IPO8: variants seen among roughly 807,000 people sequenced by gnomAD.
IPO8 encodes importin 8, also known as importin-8.
IPO8 carries 65 observed loss-of-function variants against 141.2 expected under a neutral mutation model. That is an observed-to-expected ratio of 0.46 (90% CI 0.38 to 0.57). IPO8 has a LOEUF of 0.57. IPO8 is among the 20% of genes least tolerant of loss of function. The pLI is 0.00. For synonymous variants in IPO8, 411 were observed against 420.3 expected (o/e 0.98, Z 0.27); for missense variants, 980 against 1,246.8 (o/e 0.79, Z 3.22).
At chr12:30,631,005 A>C (rs748660791) in intron 24 of IPO8, 48 bp from the exon 25 acceptor site, 3 of 1,450,104 alleles carry the variant, frequency 2.1e-6, no homozygotes, top group East Asian at 2.3e-5. Flanking sequence ...AAGAATGCTT[A>C]AGGTGACAAA....
At chr12:30,679,316 G>A (rs1374932286) in intron 5 of IPO8, among the ~76,000 whole-genome samples, 1 of 152,134 alleles carries the variant, frequency 6.6e-6, no homozygotes, top group East Asian at 1.9e-4. Context: ...GGTTTTCCAG[G>A]TTTTTAGCAA....
chr12:30,657,408 G>T (rs1264090893), intron 16 of IPO8, among the ~76,000 whole-genome samples: 4 of 152,106 alleles, frequency 2.6e-5, no homozygotes, highest in African/African-American at 4.8e-5. Flanking sequence ...CAATTATGGG[G>T]CTGGGAAGAA....
At chr12:30,676,792 G>A (rs1031468571) in intron 5 of IPO8, 6 of 859,300 alleles carry the variant, frequency 7.0e-6, no homozygotes, top group Non-Finnish European at 1.1e-5. Context: ...TACCTGCCAT[G>A]AGTTGTTTCT....
chr12:30,669,572 C>T (rs2053019232), intron 9 of IPO8, among the ~76,000 whole-genome samples: 2 of 152,146 alleles, frequency 1.3e-5, no homozygotes, highest in East Asian at 3.9e-4. Flanking sequence ...GCAGAAGGAT[C>T]GCTTGAGGAC....
chr12:30,678,468 C>T (rs1441598241), intron 5 of IPO8, among the ~76,000 whole-genome samples: 2 of 152,120 alleles, frequency 1.3e-5, no homozygotes, highest in Non-Finnish European at 2.9e-5. Context: ...GGTTTGCAGC[C>T]AGGGAGCAAC....
intron 17 of IPO8, among the ~76,000 whole-genome samples, chr12:30,653,690 A>G (rs1354715540): frequency 6.6e-6 from 1 of 151,992 alleles, no homozygotes; most frequent in Non-Finnish European, 1.5e-5. Context: ...TCCTCAGTCA[A>G]AAGTAAATTA....
chr12:30,649,254 T>G, intron 19 of IPO8, 22 bp from the exon 20 acceptor site: 1 of 1,573,932 alleles, frequency 6.4e-7, no homozygotes, highest in Non-Finnish European at 8.7e-7. Context: ...ACAATTTAGC[T>G]CAGCAGTAAG....
chr12:30,633,757 C>CT (rs1191846599), intron 23 of IPO8, among the ~76,000 whole-genome samples: 1 of 152,180 alleles, frequency 6.6e-6, no homozygotes, highest in Non-Finnish European at 1.5e-5. Context: ...ACACTTCATT[C>CT]TTTGCTATAA....
At chr12:30,690,628 C>A in intron 1 of IPO8, 51 bp from the exon 2 acceptor site, 1 of 983,552 alleles carries the variant, frequency 1.0e-6, no homozygotes, top group South Asian at 1.5e-5. Context: ...AAGTGAGTAG[C>A]TTATAAGTTA....
In IPO8 at chr12:30,695,361, G is replaced by A. The variant is rs1158333873; in HGVS notation, c.84+203C>T. 6.6e-6 allele frequency among the ~76,000 whole-genome samples: 1 copy of A among 152,232 alleles called. No individual in the cohort carries two copies. The highest frequency in any genetic ancestry group is 1.5e-5 in the Non-Finnish European group (1 of 68,044). ...CGAAAAGGTGCAAAGGTGGCCAACAGGTGCGCGAGCTGTTCGGCAAAGATC... is the reference window on the plus strand; with the variant it reads ...CGAAAAGGTGCAAAGGTGGCCAACAAGTGCGCGAGCTGTTCGGCAAAGATC... On this transcript the variant is annotated intron_variant, in intron 1 of 24. Transcript: ENST00000256079. The surrounding 1 kb of genome is among the most constrained non-coding windows in gnomAD (Gnocchi z 4.2).
At chr12:30,657,713 T>TTC (rs2052820457) in intron 16 of IPO8, among the ~76,000 whole-genome samples, 1 of 152,158 alleles carries the variant, frequency 6.6e-6, no homozygotes, top group Non-Finnish European at 1.5e-5. Flanking sequence ...TACAAGGGAA[T>TTC]ATTAAGCAAC....
intron 20 of IPO8, among the ~76,000 whole-genome samples, chr12:30,648,889 C>G (rs1261576186): frequency 7.6e-6 from 1 of 130,886 alleles, no homozygotes; most frequent in African/African-American, 3.5e-5. Flanking sequence ...TATACGTTTC[C>G]TTCATTATTT....
At chr12:30,690,401 T>C in intron 2 of IPO8, 95 bp downstream of exon 2, 1 of 773,946 alleles carries the variant, frequency 1.3e-6, no homozygotes, top group East Asian at 2.9e-5. Context: ...TGCTTCTGAA[T>C]TTTTCAATAA....
intron 16 of IPO8, among the ~76,000 whole-genome samples, chr12:30,657,608 G>A (rs2052818629): frequency 6.6e-6 from 1 of 152,148 alleles, no homozygotes; most frequent in African/African-American, 2.4e-5. Flanking sequence ...TTTCAGCAAT[G>A]TTTGTGATTA....
rs1448627795 is a variant in IPO8, at chr12:30,681,762, A to G, written c.379T>C (p.Trp127Arg). Residue 127 changes from tryptophan (W) to arginine (R), a missense_variant, in exon 4 of 25, where the codon TGG (tryptophan) becomes CGG (arginine). This residue lies in a region of IPO8 where 924 missense variants were observed against 1,153.9 expected (regional missense o/e 0.80). Transcript: ENST00000256079. Reference protein sequence around the residue: ...AIIKHDFPGHWPGVVDKIDYY... With the variant: ...AIIKHDFPGHRPGVVDKIDYY... The stretch of plus-strand genomic sequence containing the variant: ...TCTATCTTGTCGACCACTCCTGGCC[A>G]GTGACCAGGAAAATCATGTTTTATG... The G allele has an allele frequency of 6.2e-7, 1 of 1,613,282 alleles. No individual in the cohort carries two copies. Among genetic ancestry groups the G allele is most frequent in the Non-Finnish European group, 8.5e-7 (1 of 1,179,536 alleles).
At chr12:30,684,760 G>A (rs542629838) in intron 2 of IPO8, among the ~76,000 whole-genome samples, 4 of 152,236 alleles carry the variant, frequency 2.6e-5, no homozygotes, top group African/African-American at 7.2e-5. Context: ...CATACTTTTC[G>A]CAATGCCTAA....
At chr12:30,663,409 G>A in intron 14 of IPO8, 80 bp downstream of exon 14, 7 of 1,219,534 alleles carry the variant, frequency 5.7e-6, no homozygotes, top group Non-Finnish European at 8.1e-6. Flanking sequence ...TGAACCCTCA[G>A]ACATGGAGAT....
intron 23 of IPO8, among the ~76,000 whole-genome samples, chr12:30,632,897 G>A (rs7313517): frequency 0.57 from 86,474 of 152,128 alleles, 25,693 homozygotes; most frequent in African/African-American, 0.74. Context: ...GCCCAACTGC[G>A]TTCCTTCACA....
intron 13 of IPO8, among the ~76,000 whole-genome samples, chr12:30,664,283 T>G (rs899430174): frequency 3.9e-5 from 6 of 152,200 alleles, no homozygotes; most frequent in African/African-American, 1.4e-4. Context: ...GCCCTCAGCG[T>G]CCCTAGTCCA....
Sources: allele counts gnomAD v4.1 joint callset (sites outside exome capture counted in the v4.1 genomes callset), GRCh38; gene constraint gnomAD v4.1.1; regional missense constraint gnomAD v4.1.1; non-coding constraint Gnocchi (gnomAD v3.1); transcripts MANE v1.5; gene names NCBI Gene and HGNC (gene_info 2026-07-23, HGNC 2026-07-21).